The following SPANXN1 variants were observed in gnomAD, a reference collection of about 807,000 sequenced individuals.
SPANXN1 encodes SPANX family member N1, also known as sperm protein associated with the nucleus on the X chromosome N1.
A neutral mutation model predicts 2.0 loss-of-function variants in SPANXN1; 1 was observed. The ratio of observed to expected loss-of-function variants is 0.50; its 90% confidence interval spans 0.18 to 2.36. SPANXN1 has a LOEUF of 2.36. SPANXN1 is among the 30% of genes most tolerant of loss of function. SPANXN1 has a pLI of 0.26. For synonymous variants in SPANXN1, 27 were observed against 21.3 expected (o/e 1.27, Z -0.74); for missense variants, 55 against 51.8 (o/e 1.06, Z -0.19).
intron 1 of SPANXN1, among the ~76,000 whole-genome samples, chrX:145,251,804 C>A (rs1296685132): frequency 2.7e-5 from 3 of 110,756 alleles, no homozygotes; most frequent in South Asian, 3.8e-4. Flanking sequence ...GCTTGGCCAG[C>A]AAGTCAAAGT....
Position 145,255,676 on chromosome X carries a change from G to C in SPANXN1, c.81G>C (p.Gln27His). The C allele has an allele frequency of 8.3e-7, 1 of 1,211,803 alleles. No homozygotes were observed. The highest frequency in any genetic ancestry group is 1.7e-5 in the African/African-American group (1 of 57,760). The change falls in exon 2 of 2, where the codon CAG becomes CAC. Residue 27 changes from glutamine to histidine, a missense_variant. Transcript: ENST00000370493. ...CESNNENDEM[Q>H]ETPNRDLAPE... ...TCTCCCTGTTTTCTTAACAGATGCA[G>C]GAGACACCAAACAGGGACTTAGCCC...
At chrX:145,250,942 C>T (rs56084338) in intron 1 of SPANXN1, among the ~76,000 whole-genome samples, 9,476 of 111,476 alleles carry the variant, frequency 0.085, 719 homozygotes, top group African/African-American at 0.25. Flanking sequence ...GACTGTAGGA[C>T]ATGGTATGCA....
chrX:145,253,757 T>G (rs2070795771), intron 1 of SPANXN1, among the ~76,000 whole-genome samples: 1 of 111,007 alleles, frequency 9.0e-6, no homozygotes, highest in Non-Finnish European at 1.9e-5. Context: ...AATAAAGATG[T>G]GTTCCCTGTC....
At chrX:145,248,349 G>C (rs2070770725) in intron 1 of SPANXN1, among the ~76,000 whole-genome samples, 1 of 111,224 alleles carries the variant, frequency 9.0e-6, no homozygotes, top group South Asian at 3.8e-4. Context: ...AGATAAAGCA[G>C]GATATGAAGG....
chrX:145,248,981 A>C (rs2124443269), intron 1 of SPANXN1, among the ~76,000 whole-genome samples: 1 of 111,324 alleles, frequency 9.0e-6, no homozygotes, highest in South Asian at 3.8e-4. Context: ...TCAGAGTTGT[A>C]ACATGTTTAG....
rs371103475 is a variant in SPANXN1 at position 145,255,498 on chromosome X, G to A, written c.76-173G>A. On this transcript the variant is annotated intron_variant, in intron 1 of 1. Coordinates refer to ENST00000370493, the MANE Select transcript of SPANXN1 (RefSeq NM_001009614.3). ...TGGACTAACAGGTGACCCTACCCAT[G>A]CTCCTCTTCTTCTTCCCCATAGATC... 6.3e-5 allele frequency among the ~76,000 whole-genome samples: 7 copies of A among 110,319 alleles called. No homozygotes were observed. The East Asian group carries it at 1.7e-3, about 27-fold the overall frequency.
intron 1 of SPANXN1, among the ~76,000 whole-genome samples, chrX:145,253,072 G>A (rs782531680): frequency 2.0e-4 from 22 of 111,346 alleles, no homozygotes; most frequent in Non-Finnish European, 3.6e-4. Flanking sequence ...TCTAGGCCCC[G>A]TCTGTCTTCA....
intron 1 of SPANXN1, among the ~76,000 whole-genome samples, chrX:145,250,354 T>C (rs190807165): frequency 5.0e-4 from 56 of 111,268 alleles, no homozygotes; most frequent in Admixed American, 2.4e-3. Flanking sequence ...ATGTGAGTGA[T>C]GTTGATTTGC....
At chrX:145,251,724 T>C (rs1290769362) in intron 1 of SPANXN1, among the ~76,000 whole-genome samples, 2 of 111,610 alleles carry the variant, frequency 1.8e-5, no homozygotes, top group East Asian at 2.8e-4. Flanking sequence ...TGTTTTGTTT[T>C]AGTGGGAATT....
chrX:145,253,221 G>T (rs782239094), intron 1 of SPANXN1, among the ~76,000 whole-genome samples: 2 of 111,049 alleles, frequency 1.8e-5, no homozygotes, highest in African/African-American at 6.6e-5. Flanking sequence ...CGTGTTGGAC[G>T]CACTTATAAC....
chrX:145,253,667 G>T (rs1340753305), intron 1 of SPANXN1, among the ~76,000 whole-genome samples: 1 of 111,265 alleles, frequency 9.0e-6, no homozygotes, highest in African/African-American at 3.3e-5. Context: ...ATTGGGGTCA[G>T]TTCTGGGGAC....
chrX:145,249,367 T>C (rs1302471892), intron 1 of SPANXN1, among the ~76,000 whole-genome samples: 1 of 109,377 alleles, frequency 9.1e-6, no homozygotes, highest in Non-Finnish European at 1.9e-5. Flanking sequence ...TGAGTAGGAG[T>C]GAAATTTTGG....
intron 1 of SPANXN1, among the ~76,000 whole-genome samples, chrX:145,250,288 T>C (rs1293544896): frequency 2.7e-5 from 3 of 111,178 alleles, no homozygotes; most frequent in Non-Finnish European, 5.7e-5. Flanking sequence ...AAAACTTTTA[T>C]TCATCCAGAG....
intron 1 of SPANXN1, among the ~76,000 whole-genome samples, chrX:145,254,917 C>T (rs1467340871): frequency 8.9e-6 from 1 of 111,806 alleles, no homozygotes; most frequent in Non-Finnish European, 1.9e-5. Flanking sequence ...AGGGAGATCA[C>T]AGGATCTGGA....
intron 1 of SPANXN1, among the ~76,000 whole-genome samples, chrX:145,252,053 A>T (rs1250658701): frequency 9.0e-6 from 1 of 111,439 alleles, no homozygotes; most frequent in African/African-American, 3.3e-5. Context: ...CAGGTTAAGG[A>T]AAGGGCTACA....
rs1939891664 is a variant in SPANXN1 at position 145,247,738 on chromosome X, A to G, written c.75+77A>G. On this transcript the variant is annotated intron_variant, in intron 1 of 1. Transcript: ENST00000370493. The stretch of plus-strand genomic sequence containing the variant: ...GAGAAGGGACGGCTCAAACAGCAAC[A>G]CAGGAATATTGCAGACACCTGTGGA... 7.6e-6 allele frequency: 8 copies of G among 1,049,400 alleles called. No homozygotes were observed. The East Asian group carries it at 2.4e-4, about 32-fold the overall frequency. The allele number at this position is 1,049,400 out of a possible 1,213,427, so 86.5% of individuals were successfully genotyped here.
chrX:145,255,962 C>T lies in SPANXN1; in HGVS notation c.*148C>T, dbSNP rs1453845443. ...AAAGCAGGATGAAGACCTAGACTTA[C>T]CTGAAGGATCTTCAAAGCAGAATGA... On this transcript the variant is annotated 3_prime_UTR_variant, in exon 2 of 2. Coordinates refer to ENST00000370493, the MANE Select transcript of SPANXN1 (RefSeq NM_001009614.3). 2 of 1,060,514 alleles carry T rather than the reference C, an allele frequency of 1.9e-6. No individual in the cohort carries two copies. The highest frequency in any genetic ancestry group is 2.6e-6 in the Non-Finnish European group (2 of 762,591). 87.4% of individuals were successfully genotyped at this position (1,060,514 alleles called of 1,213,427 possible).
At chrX:145,254,436 G>A (rs1445307009) in intron 1 of SPANXN1, among the ~76,000 whole-genome samples, 1 of 112,326 alleles carries the variant, frequency 8.9e-6, no homozygotes, top group Non-Finnish European at 1.9e-5. Flanking sequence ...TACCCTGGAA[G>A]AGAGTGAATA....
intron 1 of SPANXN1, among the ~76,000 whole-genome samples, chrX:145,250,100 G>A (rs1190337995): frequency 2.7e-5 from 3 of 111,061 alleles, no homozygotes; most frequent in Admixed American, 9.6e-5. Context: ...CTGAAGATTC[G>A]GAGTGGTAAG....
Sources: allele counts gnomAD v4.1 joint callset (sites outside exome capture counted in the v4.1 genomes callset), GRCh38; gene constraint gnomAD v4.1.1; transcripts MANE v1.5; gene names NCBI Gene and HGNC (gene_info 2026-07-23, HGNC 2026-07-21).